The following QPCTL variants were observed in gnomAD, a reference collection of about 807,000 sequenced individuals.
QPCTL encodes glutaminyl-peptide cyclotransferase like, also known as glutaminyl-peptide cyclotransferase-like protein.
QPCTL carries 31 observed loss-of-function variants against 34.6 expected under a neutral mutation model. The ratio of observed to expected loss-of-function variants is 0.90; its 90% CI spans 0.67 to 1.21. The LOEUF is 1.21. Ranked by LOEUF, QPCTL falls within the 50% of genes most tolerant of loss-of-function variation. The pLI, the probability that QPCTL is intolerant of heterozygous loss-of-function variation, is 0.00. For missense variants in QPCTL, 474 were observed against 507.8 expected (o/e 0.93, Z 0.64); for synonymous variants, 223 against 226.9 (o/e 0.98, Z 0.15).
rs1967674737 is a variant in QPCTL, at chr19:45,695,581, G to A, written c.496G>A (p.Ala166Thr). The change falls in exon 3 of 7, where the codon GCC becomes ACC. Residue 166 changes from alanine to threonine, a missense_variant. Physicochemically the swap from Ala to Thr is moderately conservative, Grantham distance 58 (BLOSUM62 0). Transcript: ENST00000012049. ...AAGGGCTGCCCGTCACCTCACCCTT[G>A]CCTGCCATTATGACTCGAAGCTCTT... The part of the protein sequence containing the change: ...DPRAARHLTL[A>T]CHYDSKLFPP... The A allele has an allele frequency of 2.5e-6, 4 of 1,614,086 alleles. No individual in the cohort carries two copies. The highest frequency in any genetic ancestry group is 1.6e-4 in the Middle Eastern group (1 of 6,062).
At position 45,698,628 on chromosome 19, in the gene QPCTL, G is replaced by A. The variant is rs141204641; in HGVS notation, c.715G>A (p.Gly239Ser). 2.8e-5 allele frequency: 45 copies of A among 1,614,008 alleles called. No individual in the cohort carries two copies. Among genetic ancestry groups the A allele is most frequent in the African/African-American group, 8.0e-5 (6 of 74,908 alleles). ...GTGGGGACCCAAGGACTCCCTTTAC[G>A]GTTCCCGGCACCTGGCCCAGCTCAT... is the stretch of plus-strand genomic sequence containing the variant. ...KEWGPKDSLY[G>S]SRHLAQLMES... Residue 239 changes from glycine to serine, a missense_variant, in exon 4 of 7, where the codon GGT (glycine) becomes AGT (serine). Gly to Ser is a moderately conservative substitution (Grantham distance 56). Coordinates refer to ENST00000012049, the MANE Select transcript of QPCTL (RefSeq NM_017659.4).
chr19:45,701,563 A>G lies in QPCTL; in HGVS notation c.887-235A>G, dbSNP rs577001815. Among the ~76,000 whole-genome samples the G allele has an allele frequency of 5.9e-5, 9 of 152,264 alleles. No homozygotes were observed. The South Asian group carries it at 1.7e-3, about 28-fold the overall frequency. The stretch of plus-strand genomic sequence containing the variant: ...AGTGCTGGGATTACAGGCATGAGCC[A>G]CCACACCAGGCCACAAGATCTTGTC... On this transcript the variant is annotated intron_variant, in intron 5 of 6. Transcript: ENST00000012049.
chr19:45,692,790 G>T lies in QPCTL; in HGVS notation c.87G>T (p.Leu29=), dbSNP rs372295813. 2.4e-5 allele frequency: 38 copies of T among 1,585,262 alleles called. No homozygotes were observed. Among genetic ancestry groups the T allele is most frequent in the African/African-American group, 9.4e-5 (7 of 74,488 alleles). ...MEPLLPPKRR[L]LPRVRLLPLL... ...CACTCTTGCCGCCGAAGCGCCGCCT[G>T]CTACCGCGGGTTCGGCTCTTGCCTC... is the stretch of plus-strand genomic sequence containing the variant. Residue 29 remains leucine, a synonymous_variant, in exon 1 of 7, where the codon CTG becomes CTT. Coordinates refer to ENST00000012049, the MANE Select transcript of QPCTL (RefSeq NM_017659.4).
chr19:45,703,288 C>A lies in QPCTL; in HGVS notation c.*239C>A, dbSNP rs1967844315. ...CAGAGGAATAAGAACTTGCTCCCTC[C>A]CCAGAGGTAAACACTTGGTCCAAAG... On this transcript the variant is annotated 3_prime_UTR_variant, in exon 7 of 7. Coordinates refer to ENST00000012049, the MANE Select transcript of QPCTL (RefSeq NM_017659.4). 7.3e-6 allele frequency: 4 copies of A among 545,036 alleles called. No individual in the cohort carries two copies. Among genetic ancestry groups the A allele is most frequent in the Non-Finnish European group, 1.3e-5 (4 of 305,446 alleles). 33.8% of individuals were successfully genotyped at this position (545,036 alleles called of 1,614,324 possible).
chr19:45,702,959 T>C lies in QPCTL; in HGVS notation c.1059T>C (p.Pro353=), dbSNP rs371195627. 1.2e-6 allele frequency: 2 copies of C among 1,613,882 alleles called. No homozygotes were observed. The highest frequency in any genetic ancestry group is 2.7e-5 in the African/African-American group (2 of 74,860). Residue 353 remains proline (P), a synonymous_variant, in exon 7 of 7, where the codon CCT becomes CCC. Coordinates refer to ENST00000012049, the MANE Select transcript of QPCTL (RefSeq NM_017659.4). ...CCTTCCCTGCTGTCTGGCACACCCC[T>C]GCGGACACCGAGGTCAATCTCCACC... ...STPFPAVWHT[P]ADTEVNLHPP...
Position 45,695,467 on chromosome 19 carries a change from G to A in QPCTL, c.382G>A (p.Ala128Thr). The change falls in exon 3 of 7, where the codon GCA (alanine) becomes ACA (threonine). Residue 128 changes from alanine (A) to threonine (T), a missense_variant. By Grantham distance (58) the Ala-to-Thr change is moderately conservative. Coordinates refer to ENST00000012049, the MANE Select transcript of QPCTL (RefSeq NM_017659.4). ...FLEATLRSLT[A>T]GWHVELDPFT... ...GGAGGCCACGCTGCGGTCCCTGACA[G>A]CAGGTTGGCACGTGGAGCTGGATCC... 6.2e-7 allele frequency: 1 copy of A among 1,612,814 alleles called. No homozygotes were observed. Among genetic ancestry groups the A allele is most frequent in the Non-Finnish European group, 8.5e-7 (1 of 1,179,348 alleles).
chr19:45,696,514 C>T (rs941379349), intron 3 of QPCTL, among the ~76,000 whole-genome samples: 7 of 151,606 alleles, frequency 4.6e-5, no homozygotes, highest in Admixed American at 1.3e-4. Flanking sequence ...TGCTTGAACC[C>T]GGGAGGCGGA....
chr19:45,693,004 C>A, intron 1 of QPCTL, 94 bp downstream of exon 1: 1 of 1,270,350 alleles, frequency 7.9e-7, no homozygotes, highest in African/African-American at 1.5e-5. Context: ...CGGCCCTAAC[C>A]GCAGATGCCA....
chr19:45,698,362 A>G (rs1967740843), intron 3 of QPCTL, 185 bp from the exon 4 acceptor site: 1 of 665,732 alleles, frequency 1.5e-6, no homozygotes, highest in African/African-American at 1.8e-5. Context: ...TTTGTTATGA[A>G]GCAGCCAAGT....
intron 3 of QPCTL, 24 bp from the exon 4 acceptor site, chr19:45,698,523 G>GC: frequency 6.2e-7 from 1 of 1,612,950 alleles, no homozygotes; most frequent in Non-Finnish European, 8.5e-7. Flanking sequence ...GCTGGCTCTG[G>GC]CCACCCCCCT....
Position 45,692,708 on chromosome 19 carries a change from G to A in QPCTL, c.5G>A (p.Arg2His). 1.3e-6 allele frequency: 2 copies of A among 1,544,822 alleles called. No individual in the cohort carries two copies. The highest frequency in any genetic ancestry group is 1.7e-6 in the Non-Finnish European group (2 of 1,143,866). The change falls in exon 1 of 7, where the codon CGT becomes CAT. Residue 2 changes from arginine (R) to histidine (H), a missense_variant. By Grantham distance (29) the Arg-to-His change is conservative. Transcript: ENST00000012049. The part of the protein sequence containing the change: M[R>H]SGGRGRPRLR... Reference sequence around the variant, plus strand: ...AGGTTTCAGGGCAAAGCGGCCATGCGTTCCGGGGGCCGCGGGCGACCCCGC... The same window carrying A: ...AGGTTTCAGGGCAAAGCGGCCATGCATTCCGGGGGCCGCGGGCGACCCCGC...
chr19:45,694,041 C>T (rs977766628), intron 2 of QPCTL, among the ~76,000 whole-genome samples: 3 of 152,058 alleles, frequency 2.0e-5, no homozygotes, highest in Admixed American at 6.6e-5. Flanking sequence ...AGGTTGGCTC[C>T]GAGCTGGTGC....
rs1967841610 is a variant in QPCTL, at chr19:45,703,099, CG to C, written c.*55del. The C allele has an allele frequency of 2.5e-6, 4 of 1,607,598 alleles. No homozygotes were observed. The highest frequency in any genetic ancestry group is 1.7e-4 in the Middle Eastern group (1 of 6,052). ...AGGACTGTGAGAGAGAAGGTCCCAG[CG>C]GGGGCCAGTGAAGCTCAGGCAGGAT... On this transcript the variant is annotated 3_prime_UTR_variant, in exon 7 of 7. Coordinates refer to ENST00000012049, the MANE Select transcript of QPCTL (RefSeq NM_017659.4).
At position 45,693,574 on chromosome 19, in the gene QPCTL, C is replaced by T; in HGVS notation, c.351+18C>T. Reference sequence around the variant, plus strand: ...TCAGAAAGGTAAAGGGACCCACCTCCAGTCCCTGACCCCCTAGCCCTCCAG... The same window carrying T: ...TCAGAAAGGTAAAGGGACCCACCTCTAGTCCCTGACCCCCTAGCCCTCCAG... On this transcript the variant is annotated intron_variant, in intron 2 of 6. Transcript: ENST00000012049. 6.3e-7 allele frequency: 1 copy of T among 1,598,058 alleles called. No homozygotes were observed. Among genetic ancestry groups the T allele is most frequent in the Non-Finnish European group, 8.5e-7 (1 of 1,170,728 alleles).
At chr19:45,693,706 C>G in intron 2 of QPCTL, 150 bp downstream of exon 2, 1 of 1,179,848 alleles carries the variant, frequency 8.5e-7, no homozygotes, top group South Asian at 1.7e-5. Context: ...GGTAACAAAC[C>G]ACCAGGCTGT....
At chr19:45,693,350 G>T in intron 1 of QPCTL, 63 bp from the exon 2 acceptor site, 1 of 1,538,300 alleles carries the variant, frequency 6.5e-7, no homozygotes, top group South Asian at 1.2e-5. Context: ...CGGCGCCCGG[G>T]GTAGGGTTGA....
Position 45,701,856 on chromosome 19 carries a change from C to T in QPCTL, c.945C>T (p.Phe315=), listed in dbSNP as rs771282240. ...LQSHPQEVMY[F]QPGEPFGSVE... ...CTCATCCCCAGGAAGTGATGTACTT[C>T]CAACCCGGGGAGCCCTTTGGCTCTG... Residue 315 remains phenylalanine (F), a synonymous_variant, in exon 6 of 7, where the codon TTC becomes TTT. Coordinates refer to ENST00000012049, the MANE Select transcript of QPCTL (RefSeq NM_017659.4). 6 of 1,614,066 alleles carry T rather than the reference C, an allele frequency of 3.7e-6. No homozygotes were observed. The East Asian group carries it at 1.1e-4, about 30-fold the overall frequency.
chr19:45,693,296 G>A, intron 1 of QPCTL, 117 bp from the exon 2 acceptor site: 1 of 1,327,990 alleles, frequency 7.5e-7, no homozygotes. Context: ...TCCGATGCTG[G>A]AGGCGGCAGA....
At chr19:45,697,478 A>G (rs1331600978) in intron 3 of QPCTL, among the ~76,000 whole-genome samples, 1 of 151,972 alleles carries the variant, frequency 6.6e-6, no homozygotes, top group Non-Finnish European at 1.5e-5. Flanking sequence ...ACACAGATTT[A>G]ATCATGCTCC....
Sources: allele counts gnomAD v4.1 joint callset (sites outside exome capture counted in the v4.1 genomes callset), GRCh38; gene constraint gnomAD v4.1.1; transcripts MANE v1.5; gene names NCBI Gene and HGNC (gene_info 2026-07-23, HGNC 2026-07-21).